The following CTNNA3 variants were observed in gnomAD, a reference collection of about 807,000 sequenced individuals.
CTNNA3 encodes catenin alpha-3.
In CTNNA3, 76 loss-of-function variants were observed where a neutral mutation model predicts 95.7. The ratio of observed to expected loss-of-function variants is 0.79; its 90% CI spans 0.66 to 0.96. The LOEUF (loss-of-function observed/expected upper bound fraction) is 0.96. CTNNA3 is among the 40% of genes least tolerant of loss of function. CTNNA3 has a pLI of 0.00. For synonymous variants in CTNNA3, 431 were observed against 374.4 expected (o/e 1.15, Z -1.74); for missense variants, 1,191 against 1,089.8 (o/e 1.09, Z -1.31).
chr10:66,741,605 GTGTT>G (rs1261738561), intron 9 of CTNNA3, among the ~76,000 whole-genome samples: 3 of 152,176 alleles, frequency 2.0e-5, no homozygotes, highest in Non-Finnish European at 4.4e-5. Flanking sequence ...GGTTGGATGA[GTGTT>G]TGGCCTTTGC....
intron 5 of CTNNA3, among the ~76,000 whole-genome samples, chr10:67,460,567 A>C (rs754799217): frequency 6.6e-6 from 1 of 152,188 alleles, no homozygotes; most frequent in Non-Finnish European, 1.5e-5. Flanking sequence ...TTCAAAACGA[A>C]ACAGCATAAA....
intron 9 of CTNNA3, among the ~76,000 whole-genome samples, chr10:66,752,418 T>C (rs1839184062): frequency 6.6e-6 from 1 of 152,124 alleles, no homozygotes; most frequent in Admixed American, 6.5e-5. Context: ...TGACCCTTTA[T>C]TTCACACCAC....
chr10:66,019,973 T>A (rs2079170257), intron 15 of CTNNA3, among the ~76,000 whole-genome samples: 1 of 152,208 alleles, frequency 6.6e-6, no homozygotes, highest in Admixed American at 6.5e-5. Context: ...GGAATTACAA[T>A]GGAAATAGAT....
At chr10:66,145,136 T>A (rs2083816175) in intron 13 of CTNNA3, among the ~76,000 whole-genome samples, 1 of 152,140 alleles carries the variant, frequency 6.6e-6, no homozygotes, top group African/African-American at 2.4e-5. Context: ...TACAAACTAC[T>A]AAGTATTTAT....
intron 11 of CTNNA3, among the ~76,000 whole-genome samples, chr10:66,454,547 T>C (rs188887278): frequency 7.2e-5 from 11 of 152,222 alleles, no homozygotes; most frequent in Admixed American, 5.9e-4. Flanking sequence ...AAGAAATATA[T>C]ACTCTGAATA....
At chr10:66,670,000 C>T (rs1207307410) in intron 9 of CTNNA3, among the ~76,000 whole-genome samples, 3 of 151,806 alleles carry the variant, frequency 2.0e-5, no homozygotes, top group African/African-American at 7.3e-5. Flanking sequence ...AAAGCTCATC[C>T]AATATGGAGA....
At chr10:66,701,988 T>G (rs560524353) in intron 9 of CTNNA3, among the ~76,000 whole-genome samples, 33 of 152,272 alleles carry the variant, frequency 2.2e-4, no homozygotes, top group African/African-American at 7.5e-4. Context: ...AGTGTCAACA[T>G]CTCGGCCACC....
chr10:67,521,700 A>C, intron 5 of CTNNA3, 142 bp downstream of exon 5: 1 of 1,013,652 alleles, frequency 9.9e-7, no homozygotes, highest in Non-Finnish European at 1.4e-6. Context: ...ATATGAACAC[A>C]GCAGATCAGC....
At chr10:67,136,380 TA>T (rs1325611929) in intron 7 of CTNNA3, among the ~76,000 whole-genome samples, 1 of 152,124 alleles carries the variant, frequency 6.6e-6, no homozygotes, top group Non-Finnish European at 1.5e-5. Flanking sequence ...AAATAAACAA[TA>T]GTTACACTAT....
intron 2 of CTNNA3, among the ~76,000 whole-genome samples, chr10:67,612,229 T>A (rs753317025): frequency 7.2e-4 from 109 of 152,302 alleles, no homozygotes; most frequent in Non-Finnish European, 1.4e-3. Flanking sequence ...AATAATACCC[T>A]AGGCATTCAG....
chr10:67,134,878 ACTCTG>A (rs1203301654), intron 7 of CTNNA3, among the ~76,000 whole-genome samples: 1 of 152,002 alleles, frequency 6.6e-6, no homozygotes, highest in Non-Finnish European at 1.5e-5. Flanking sequence ...GAGAGGAGTC[ACTCTG>A]TAGACACAGA....
At chr10:66,787,788 C>G (rs1057473301) in intron 7 of CTNNA3, among the ~76,000 whole-genome samples, 1 of 152,196 alleles carries the variant, frequency 6.6e-6, no homozygotes. Flanking sequence ...TTCACCACAT[C>G]CTTGCAAAAA....
chr10:67,667,833 A>AT (rs775114297), intron 1 of CTNNA3, among the ~76,000 whole-genome samples: 1 of 152,116 alleles, frequency 6.6e-6, no homozygotes. Context: ...TATATCTTCA[A>AT]TTTTCTAAAC....
intron 3 of CTNNA3, 111 bp downstream of exon 3, chr10:67,606,746 A>C (rs1843286953): frequency 1.2e-6 from 1 of 854,338 alleles, no homozygotes; most frequent in African/African-American, 1.7e-5. Flanking sequence ...ACAGCTCTGC[A>C]AAAGACTAAA....
At chr10:67,297,851 C>T (rs184631142) in intron 5 of CTNNA3, among the ~76,000 whole-genome samples, 1 of 152,202 alleles carries the variant, frequency 6.6e-6, no homozygotes. Context: ...GGTCCAGAAG[C>T]AAGCCAGAAA....
chr10:66,917,242 C>T (rs1451734013), intron 7 of CTNNA3, among the ~76,000 whole-genome samples: 1 of 151,976 alleles, frequency 6.6e-6, no homozygotes, highest in Non-Finnish European at 1.5e-5. Context: ...CATTTGCTAC[C>T]CGGGACTAAG....
chr10:66,981,386 G>A (rs562297438), intron 7 of CTNNA3, among the ~76,000 whole-genome samples: 14 of 152,306 alleles, frequency 9.2e-5, no homozygotes, highest in African/African-American at 3.4e-4. Context: ...AAGTCACCCT[G>A]CATTCTGCAC....
At chr10:67,148,439 C>T (rs1860939480) in intron 7 of CTNNA3, among the ~76,000 whole-genome samples, 1 of 152,150 alleles carries the variant, frequency 6.6e-6, no homozygotes, top group African/African-American at 2.4e-5. Flanking sequence ...ATCTAGGTAC[C>T]TCACATAAAT....
Position 67,607,058 on chromosome 10 carries a change from G to A in CTNNA3, c.100-9C>T. 1.9e-6 allele frequency: 3 copies of A among 1,600,550 alleles called. No homozygotes were observed. The highest frequency in any genetic ancestry group is 3.4e-5 in the Admixed American group (2 of 58,070). ...TTTACAAGTGTGGTAACCTAAAATT[G>A]GAAAAATACAAAGTACTAAATTGAC... On this transcript the variant is annotated splice_polypyrimidine_tract_variant and intron_variant, in intron 2 of 17. Transcript: ENST00000433211.
Sources: allele counts gnomAD v4.1 joint callset (sites outside exome capture counted in the v4.1 genomes callset), GRCh38; gene constraint gnomAD v4.1.1; transcripts MANE v1.5; gene names NCBI Gene and HGNC (gene_info 2026-07-23, HGNC 2026-07-21).